Variants in LMLN observed in about 807,000 individuals in gnomAD.
LMLN encodes leishmanolysin-like peptidase.
A neutral mutation model predicts 92.3 loss-of-function variants in LMLN; 70 were observed. The observed-to-expected ratio is 0.76, with a 90% confidence interval of 0.63 to 0.92. The LOEUF is 0.92. LMLN is among the 40% of genes least tolerant of loss of function. LMLN has a pLI of 0.00. For missense variants in LMLN, 691 were observed against 814.6 expected (o/e 0.85, Z 1.85); for synonymous variants, 308 against 296.2 (o/e 1.04, Z -0.41).
chr3:198,002,476 ACC>A (rs2109904216), intron 11 of LMLN, among the ~76,000 whole-genome samples: 1 of 152,338 alleles, frequency 6.6e-6, no homozygotes, highest in East Asian at 1.9e-4. Context: ...AGTGGCTCAT[ACC>A]TGCAATCCCA....
Position 198,042,340 on chromosome 3 carries a change from G to A in LMLN, c.*3673G>A, listed in dbSNP as rs1329092783. The A allele has an allele frequency of 6.6e-6, 1 of 152,024 alleles. No homozygotes were observed. The highest frequency in any genetic ancestry group is 1.9e-4 in the East Asian group (1 of 5,172). 9.4% of individuals were successfully genotyped at this position (152,024 alleles called of 1,614,324 possible). ...CAGGAGTTTGAGGTTACAGTGAGCT[G>A]ATCGCACCACTGCACTGCAGCCTGG... is the stretch of plus-strand genomic sequence containing the variant. On this transcript the variant is annotated 3_prime_UTR_variant, in exon 16 of 16. Coordinates refer to ENST00000330198, the Ensembl canonical transcript of LMLN. This position sits in a 1 kb window ranked among gnomAD's most constrained non-coding sequence, Gnocchi z 4.2.
At chr3:197,985,426 C>T (rs964495613) in intron 7 of LMLN, among the ~76,000 whole-genome samples, 1 of 150,442 alleles carries the variant, frequency 6.6e-6, no homozygotes, top group Non-Finnish European at 1.5e-5. Context: ...CACACACACA[C>T]AGAGCAAACA....
chr3:198,032,463 T>G (rs1723102893), intron 14 of LMLN, among the ~76,000 whole-genome samples: 1 of 152,244 alleles, frequency 6.6e-6, no homozygotes, highest in Admixed American at 6.5e-5. Context: ...TTAGTCCATT[T>G]TGCGTTGCTG....
intron 10 of LMLN, among the ~76,000 whole-genome samples, chr3:197,997,039 T>A (rs1382468584): frequency 6.6e-6 from 1 of 150,980 alleles, no homozygotes; most frequent in Non-Finnish European, 1.5e-5. Flanking sequence ...TCTTTTCTTT[T>A]CTTTCTTTCT....
intron 1 of LMLN, among the ~76,000 whole-genome samples, chr3:197,962,155 A>G (rs1450718809): frequency 6.6e-6 from 1 of 151,858 alleles, no homozygotes; most frequent in Non-Finnish European, 1.5e-5. Context: ...ACCCCAGGCA[A>G]CTAGTTTTCT....
At chr3:197,972,870 A>T (rs1056901440) in intron 1 of LMLN, among the ~76,000 whole-genome samples, 7 of 152,154 alleles carry the variant, frequency 4.6e-5, no homozygotes, top group Non-Finnish European at 8.8e-5. Flanking sequence ...ACTGGGTTTC[A>T]TATGCAGATT....
chr3:197,966,372 C>T (rs1721061081), intron 1 of LMLN, among the ~76,000 whole-genome samples: 1 of 152,160 alleles, frequency 6.6e-6, no homozygotes, highest in African/African-American at 2.4e-5. Context: ...TATTATCACA[C>T]TGTCTGGGGC....
At chr3:198,015,100 G>T (rs1722590125) in intron 11 of LMLN, among the ~76,000 whole-genome samples, 1 of 148,124 alleles carries the variant, frequency 6.8e-6, no homozygotes, top group Non-Finnish European at 1.5e-5. Context: ...GTACCCTTCA[G>T]AGTCCCCTAA....
chr3:197,987,963 T>C (rs1377336505), intron 8 of LMLN, among the ~76,000 whole-genome samples: 2 of 152,220 alleles, frequency 1.3e-5, no homozygotes, highest in African/African-American at 4.8e-5. Flanking sequence ...TGCCTATTTA[T>C]TTTCCTTGTC....
At chr3:197,972,846 C>T (rs1418123804) in intron 1 of LMLN, among the ~76,000 whole-genome samples, 1 of 152,082 alleles carries the variant, frequency 6.6e-6, no homozygotes, top group African/African-American at 2.4e-5. Context: ...ATTTAGTGGT[C>T]AGTCAAATAT....
At position 197,993,258 on chromosome 3, in the gene LMLN, G is replaced by A. The variant is rs540321985; in HGVS notation, c.1047+2582G>A. 5.9e-5 allele frequency among the ~76,000 whole-genome samples: 9 copies of A among 152,222 alleles called. No homozygotes were observed. In the South Asian group the frequency reaches 1.9e-3, roughly 32 times the overall value. ...CTTGTACATAGTATTGGAAGTCATC[G>A]CAAGAGCAGTCAGGCCATAGAAATA... On this transcript the variant is annotated intron_variant, in intron 9 of 15. Transcript: ENST00000330198.
exon 16 of LMLN, chr3:198,039,872 A>G (rs1359810919): frequency 6.6e-6 from 1 of 152,162 alleles, no homozygotes; most frequent in Admixed American, 6.6e-5. Context: ...TTCTGGTTGT[A>G]TTCTCCATGA....
chr3:198,036,007 C>T, exon 15 of LMLN: 3 of 1,613,832 alleles, frequency 1.9e-6, no homozygotes, highest in Non-Finnish European at 2.5e-6. Context: ...AGAAACAGAT[C>T]CTCCAGCCAC....
rs1230395737 is a variant in LMLN, at chr3:198,025,136, A to G, written c.1656+348A>G. Among the ~76,000 whole-genome samples, 1 of 152,196 alleles carries G rather than the reference A, an allele frequency of 6.6e-6. No homozygotes were observed. Among genetic ancestry groups the G allele is most frequent in the Non-Finnish European group, 1.5e-5 (1 of 68,032 alleles). On this transcript the variant is annotated intron_variant, in intron 14 of 15. Coordinates refer to ENST00000330198, the Ensembl canonical transcript of LMLN. The surrounding 1 kb of genome is among the most constrained non-coding windows in gnomAD (Gnocchi z 4.3). ...AAAAGGTCTGAGGACCTCATGGGTT[A>G]TAAGAATTAGTAAATCAGGCTGGAC... is the stretch of plus-strand genomic sequence containing the variant.
chr3:198,032,995 A>G (rs1723118544), intron 14 of LMLN, among the ~76,000 whole-genome samples: 1 of 152,112 alleles, frequency 6.6e-6, no homozygotes, highest in Non-Finnish European at 1.5e-5. Context: ...TGTTCTGCAG[A>G]TCAGTTTCTT....
intron 1 of LMLN, among the ~76,000 whole-genome samples, chr3:197,972,533 A>T (rs1553815883): frequency 6.6e-6 from 1 of 152,082 alleles, no homozygotes; most frequent in Non-Finnish European, 1.5e-5. Context: ...GCATTAAACT[A>T]GTTGTTTAAA....
intron 11 of LMLN, among the ~76,000 whole-genome samples, chr3:198,010,752 A>C (rs1011690095): frequency 6.6e-6 from 1 of 151,902 alleles, no homozygotes; most frequent in Non-Finnish European, 1.5e-5. Flanking sequence ...TGCCTGGCCT[A>C]TTTTTCTCTT....
rs1012460497 is a variant in LMLN at position 198,025,134 on chromosome 3, T to A, written c.1656+346T>A. Among the ~76,000 whole-genome samples the A allele has an allele frequency of 1.3e-5, 2 of 152,070 alleles. No individual in the cohort carries two copies. The highest frequency in any genetic ancestry group is 4.8e-5 in the African/African-American group (2 of 41,392). ...TCAAAAGGTCTGAGGACCTCATGGGTTATAAGAATTAGTAAATCAGGCTGG... is the reference window on the plus strand; with the variant it reads ...TCAAAAGGTCTGAGGACCTCATGGGATATAAGAATTAGTAAATCAGGCTGG... On this transcript the variant is annotated intron_variant, in intron 14 of 15. Transcript: ENST00000330198. The surrounding 1 kb of genome is among the most constrained non-coding windows in gnomAD (Gnocchi z 4.3).
chr3:197,996,930 C>T (rs1232021828), intron 10 of LMLN, among the ~76,000 whole-genome samples: 4 of 152,174 alleles, frequency 2.6e-5, no homozygotes, highest in African/African-American at 4.8e-5. Flanking sequence ...CACAGGCAAA[C>T]ACCACTGCAC....
Sources: gnomAD v4.1 joint callset for allele counts (sites outside exome capture counted in the v4.1 genomes callset) on GRCh38, gnomAD v4.1.1 for gene constraint, Gnocchi (gnomAD v3.1) non-coding constraint, MANE v1.5 for transcripts, NCBI Gene and HGNC (gene_info 2026-07-23, HGNC 2026-07-21) for gene names.